SORCS2: variants seen among roughly 807,000 people sequenced by gnomAD.
SORCS2 encodes the protein VPS10 domain-containing receptor SorCS2.
In SORCS2, 100 loss-of-function variants were observed where a neutral mutation model predicts 141.6. The ratio of observed to expected loss-of-function variants is 0.71; its 90% CI spans 0.60 to 0.83. The LOEUF (loss-of-function observed/expected upper bound fraction) is 0.83, where lower values mean the gene tolerates loss of function less well. Ranked by LOEUF, SORCS2 falls within the 40% of genes least tolerant of loss-of-function variation. The probability of loss-of-function intolerance (pLI) is 0.00; values close to 1 mark genes in which losing one functional copy is unlikely to be tolerated. For missense variants in SORCS2, 1,646 were observed against 1,560.2 expected (o/e 1.05, Z -0.93); for synonymous variants, 789 against 676.9 (o/e 1.17, Z -2.57).
rs752845905 is a variant in SORCS2 at position 7,638,506 on chromosome 4, G to C, written c.813+14G>C. The C allele has an allele frequency of 7.5e-6, 12 of 1,605,148 alleles. No individual in the cohort carries two copies. In the Admixed American group the frequency reaches 1.9e-4, roughly 25 times the overall value. ...AAGGAGAGCAAGGTAAGATATATGGGTGCCAGTCGCCTGGTCTGTGGGGCT... is the reference window on the plus strand; with the variant it reads ...AAGGAGAGCAAGGTAAGATATATGGCTGCCAGTCGCCTGGTCTGTGGGGCT... On this transcript the variant is annotated intron_variant, in intron 4 of 26. Coordinates refer to ENST00000507866, the MANE Select transcript of SORCS2 (RefSeq NM_020777.3).
intron 1 of SORCS2, among the ~76,000 whole-genome samples, chr4:7,363,258 A>T (rs981896714): frequency 5.9e-5 from 9 of 151,726 alleles, no homozygotes; most frequent in East Asian, 5.8e-4. Flanking sequence ...CATCACCATC[A>T]TTACTACCAT....
At chr4:7,700,068 C>T (rs1360327233) in intron 12 of SORCS2, among the ~76,000 whole-genome samples, 2 of 152,190 alleles carry the variant, frequency 1.3e-5, no homozygotes, top group East Asian at 3.9e-4. Flanking sequence ...CCCGCCCCAG[C>T]CACGTGCTTC....
chr4:7,380,155 A>G (rs1460451104), intron 1 of SORCS2, among the ~76,000 whole-genome samples: 1 of 152,216 alleles, frequency 6.6e-6, no homozygotes, highest in Non-Finnish European at 1.5e-5. Flanking sequence ...CTGCTGTCAG[A>G]GACGTGCTCA....
chr4:7,352,017 T>C (rs559106555), intron 1 of SORCS2, among the ~76,000 whole-genome samples: 1 of 152,130 alleles, frequency 6.6e-6, no homozygotes, highest in East Asian at 1.9e-4. Flanking sequence ...CACCCCTTAA[T>C]CCATTAATCC....
At chr4:7,531,770 C>T (rs1008703522) in intron 3 of SORCS2, 141 bp downstream of exon 3, 12 of 789,552 alleles carry the variant, frequency 1.5e-5, no homozygotes, top group Non-Finnish European at 1.9e-5. Context: ...TCCCAGCTCT[C>T]ACTGCCACCC....
chr4:7,530,357 C>G (rs988001145), intron 2 of SORCS2, among the ~76,000 whole-genome samples: 2 of 152,196 alleles, frequency 1.3e-5, no homozygotes, highest in African/African-American at 4.8e-5. Flanking sequence ...AAGCCTGGCT[C>G]CAGCCCAAGG....
At chr4:7,514,669 A>G (rs948157372) in intron 2 of SORCS2, among the ~76,000 whole-genome samples, 1 of 152,020 alleles carries the variant, frequency 6.6e-6, no homozygotes, top group Non-Finnish European at 1.5e-5. Context: ...GGGGTGTACA[A>G]TGGACAGTGC....
chr4:7,518,107 G>A (rs1369178516), intron 2 of SORCS2, among the ~76,000 whole-genome samples: 1 of 152,246 alleles, frequency 6.6e-6, no homozygotes, highest in African/African-American at 2.4e-5. Flanking sequence ...GGACCTGGTG[G>A]ATGGTTAAGG....
At chr4:7,447,775 A>C (rs1728092748) in intron 2 of SORCS2, among the ~76,000 whole-genome samples, 1 of 151,994 alleles carries the variant, frequency 6.6e-6, no homozygotes, top group Non-Finnish European at 1.5e-5. Context: ...ATTATGAAAC[A>C]AACTACGACC....
In SORCS2 at chr4:7,677,208, C is replaced by T. The variant is rs115374833; in HGVS notation, c.1341+979C>T. Among the ~76,000 whole-genome samples the T allele has an allele frequency of 4.2e-3, 643 of 152,266 alleles. 3 individuals carry two copies. The highest frequency in any genetic ancestry group is 0.027 in the Middle Eastern group (8 of 294). On this transcript the variant is annotated intron_variant, in intron 9 of 26. Coordinates refer to ENST00000507866, the MANE Select transcript of SORCS2 (RefSeq NM_020777.3). ...AGCCTTCCTCGCTGCCCTCCTGGGT[C>T]CCCCTCGGCCTCCCGCGTGAGCCTC...
At chr4:7,499,917 A>C (rs1731857061) in intron 2 of SORCS2, among the ~76,000 whole-genome samples, 1 of 152,054 alleles carries the variant, frequency 6.6e-6, no homozygotes, top group Admixed American at 6.5e-5. Context: ...TGGGTGTGTC[A>C]GGTCCCAGGG....
chr4:7,523,330 G>A (rs1733461392), intron 2 of SORCS2, among the ~76,000 whole-genome samples: 1 of 152,182 alleles, frequency 6.6e-6, no homozygotes, highest in Admixed American at 6.5e-5. Context: ...GGGAAACTGT[G>A]GCCCAGGGAG....
intron 1 of SORCS2, among the ~76,000 whole-genome samples, chr4:7,370,581 C>A (rs76028086): frequency 6.6e-6 from 1 of 152,238 alleles, no homozygotes; most frequent in South Asian, 2.1e-4. Context: ...CACATCAACA[C>A]GCTCAATGAT....
At chr4:7,385,561 A>T (rs1165604531) in intron 1 of SORCS2, among the ~76,000 whole-genome samples, 1 of 152,152 alleles carries the variant, frequency 6.6e-6, no homozygotes, top group Non-Finnish European at 1.5e-5. Flanking sequence ...GGGCTTGAAG[A>T]GTGCCACTCT....
chr4:7,323,451 A>G (rs986778890), intron 1 of SORCS2, among the ~76,000 whole-genome samples: 1 of 152,182 alleles, frequency 6.6e-6, no homozygotes, highest in African/African-American at 2.4e-5. Flanking sequence ...CTAAGGAACC[A>G]AGAGGTAGAC....
rs116185470 is a variant in SORCS2, at chr4:7,737,506, G to A, written c.3415+334G>A. Among the ~76,000 whole-genome samples, 387 of 152,244 alleles carry A rather than the reference G, an allele frequency of 2.5e-3. 3 individuals carry two copies. Among genetic ancestry groups the A allele is most frequent in the Non-Finnish European group, 2.0e-3 (134 of 68,008 alleles). ...CTGGCTTTGAAAGGAAGCCTGACTC[G>A]GGCCTCAGGACGTGGGAGGCCTTTC... On this transcript the variant is annotated intron_variant, in intron 26 of 26. Transcript: ENST00000507866.
intron 3 of SORCS2, among the ~76,000 whole-genome samples, chr4:7,619,790 G>A (rs1719032548): frequency 2.0e-5 from 3 of 152,198 alleles, no homozygotes; most frequent in African/African-American, 7.2e-5. Context: ...GTGGCATAGT[G>A]CCCGAGTGGG....
chr4:7,198,789 CG>C (rs944126812), intron 1 of SORCS2, among the ~76,000 whole-genome samples: 3 of 152,074 alleles, frequency 2.0e-5, no homozygotes, highest in Non-Finnish European at 2.9e-5. Context: ...ATGAGGGAGC[CG>C]GGGACTCTGT....
At chr4:7,329,799 A>G (rs1223877044) in intron 1 of SORCS2, among the ~76,000 whole-genome samples, 2 of 152,074 alleles carry the variant, frequency 1.3e-5, no homozygotes, top group Non-Finnish European at 2.9e-5. Flanking sequence ...GAATACCCAT[A>G]CAACCTTTCC....
Sources: gnomAD v4.1 joint callset for allele counts (sites outside exome capture counted in the v4.1 genomes callset) on GRCh38, gnomAD v4.1.1 for gene constraint, MANE v1.5 for transcripts, NCBI Gene and HGNC (gene_info 2026-07-23, HGNC 2026-07-21) for gene names.